Variants in FHIT observed in about 807,000 individuals in gnomAD.
The protein encoded by FHIT is bis(5'-adenosyl)-triphosphatase.
FHIT carries 19 observed loss-of-function variants against 17.9 expected under a neutral mutation model. The observed-to-expected ratio is 1.06, with a 90% CI of 0.74 to 1.56. The LOEUF is 1.56. Among genes scored for constraint, FHIT ranks in the 40% most tolerant of loss-of-function variants. FHIT has a pLI of 0.00. For synonymous variants in FHIT, 81 were observed against 69.7 expected (o/e 1.16, Z -0.81); for missense variants, 248 against 189.2 (o/e 1.31, Z -1.82).
intron 5 of FHIT, among the ~76,000 whole-genome samples, chr3:60,268,920 G>A (rs889320409): frequency 6.6e-6 from 1 of 152,098 alleles, no homozygotes; most frequent in Non-Finnish European, 1.5e-5. Flanking sequence ...AGGTCACAGT[G>A]ATGAAAAGTG....
chr3:60,088,072 G>GAGCT (rs1324653205), intron 5 of FHIT, among the ~76,000 whole-genome samples: 1 of 152,202 alleles, frequency 6.6e-6, no homozygotes, highest in Non-Finnish European at 1.5e-5. Context: ...AGATGAAAGG[G>GAGCT]AGCTTATGAG....
At chr3:60,534,263 TA>T (rs2035894487) in intron 5 of FHIT, among the ~76,000 whole-genome samples, 1 of 99,232 alleles carries the variant, frequency 1.0e-5, no homozygotes, top group African/African-American at 4.2e-5. Context: ...CCGTCTCTAC[TA>T]AAAATACAAA....
intron 2 of FHIT, among the ~76,000 whole-genome samples, chr3:61,091,554 ACG>A (rs2035482336): frequency 6.6e-6 from 1 of 152,180 alleles, no homozygotes; most frequent in Admixed American, 6.5e-5. Flanking sequence ...GGGTCAAGCA[ACG>A]CAGATCATCC....
chr3:60,223,122 A>T (rs1704038099), intron 5 of FHIT, among the ~76,000 whole-genome samples: 1 of 152,136 alleles, frequency 6.6e-6, no homozygotes, highest in Admixed American at 6.5e-5. Context: ...ATGAAGGAAG[A>T]CTTTCTTCCA....
intron 5 of FHIT, among the ~76,000 whole-genome samples, chr3:60,325,672 A>T (rs1036141233): frequency 5.9e-5 from 9 of 152,232 alleles, no homozygotes; most frequent in Non-Finnish European, 1.3e-4. Context: ...ACAGTACAAG[A>T]CATTTCAAAC....
At chr3:61,042,793 T>C (rs988584630) in intron 2 of FHIT, among the ~76,000 whole-genome samples, 1 of 150,834 alleles carries the variant, frequency 6.6e-6, no homozygotes, top group African/African-American at 2.4e-5. Context: ...TGAGCCAAGA[T>C]GGTGCCACTG....
chr3:60,336,306 C>G (rs1415996002), intron 5 of FHIT, among the ~76,000 whole-genome samples: 1 of 152,202 alleles, frequency 6.6e-6, no homozygotes, highest in African/African-American at 2.4e-5. Flanking sequence ...CACAAAAACC[C>G]TGACCAAAAG....
At chr3:60,002,133 T>C (rs1216371960) in intron 7 of FHIT, among the ~76,000 whole-genome samples, 1 of 152,136 alleles carries the variant, frequency 6.6e-6, no homozygotes, top group Non-Finnish European at 1.5e-5. Context: ...TCTTAAAGAA[T>C]TCCATCTTCA....
chr3:60,492,722 G>A (rs2107503883), intron 5 of FHIT, among the ~76,000 whole-genome samples: 1 of 151,904 alleles, frequency 6.6e-6, no homozygotes. Context: ...GGTCAGGCTG[G>A]TCTTGAACTC....
At chr3:60,377,290 T>G (rs1046840544) in intron 5 of FHIT, among the ~76,000 whole-genome samples, 1 of 150,388 alleles carries the variant, frequency 6.6e-6, no homozygotes, top group Middle Eastern at 3.2e-3. Context: ...GCCTCCTGAA[T>G]AGCTGGGACT....
In FHIT at chr3:60,546,828, G is replaced by A. The variant is rs531812030; in HGVS notation, c.-17-9849C>T. Among the ~76,000 whole-genome samples the A allele has an allele frequency of 2.6e-5, 4 of 152,142 alleles. No individual in the cohort carries two copies. In the East Asian group the frequency reaches 5.8e-4, roughly 22 times the overall value. Reference sequence around the variant, plus strand: ...TAATGAAGTATACAAAGCATGTCTCGTTGTCTGCCACATGATGTAGGTACC... The same window carrying A: ...TAATGAAGTATACAAAGCATGTCTCATTGTCTGCCACATGATGTAGGTACC... On this transcript the variant is annotated intron_variant, in intron 4 of 9. Transcript: ENST00000492590.
chr3:60,404,111 C>G (rs371306487), intron 5 of FHIT, among the ~76,000 whole-genome samples: 10 of 152,268 alleles, frequency 6.6e-5, no homozygotes, highest in African/African-American at 2.2e-4. Context: ...TTCACTTTAG[C>G]TTCTGATTGG....
At chr3:60,578,671 C>T (rs782418386) in intron 4 of FHIT, among the ~76,000 whole-genome samples, 24 of 152,140 alleles carry the variant, frequency 1.6e-4, no homozygotes, top group Non-Finnish European at 2.8e-4. Flanking sequence ...CAAGTTCAAA[C>T]GTTCACATAA....
At chr3:61,027,569 G>A (rs890661881) in intron 3 of FHIT, among the ~76,000 whole-genome samples, 4 of 152,150 alleles carry the variant, frequency 2.6e-5, no homozygotes, top group Non-Finnish European at 5.9e-5. Flanking sequence ...ATATCATTTC[G>A]TTGACTTGAG....
chr3:61,053,595 T>A (rs1575923406), intron 2 of FHIT, among the ~76,000 whole-genome samples: 1 of 151,900 alleles, frequency 6.6e-6, no homozygotes, highest in African/African-American at 2.4e-5. Context: ...GAGGCAGAGG[T>A]TGCAGTGAGC....
intron 5 of FHIT, among the ~76,000 whole-genome samples, chr3:60,212,621 TAAC>T (rs1480064278): frequency 6.6e-6 from 1 of 152,002 alleles, no homozygotes; most frequent in Non-Finnish European, 1.5e-5. Flanking sequence ...AGCACTAAAA[TAAC>T]AATCTAATGA....
chr3:60,166,876 A>G (rs962759769), intron 5 of FHIT, among the ~76,000 whole-genome samples: 1 of 152,202 alleles, frequency 6.6e-6, no homozygotes, highest in Non-Finnish European at 1.5e-5. Flanking sequence ...AAGAGCAAGC[A>G]GCAAGGGCCT....
rs928294197 is a variant in FHIT at position 60,942,266 on chromosome 3, A to G, written c.-111+99781T>C. Among the ~76,000 whole-genome samples, 7 of 152,344 alleles carry G rather than the reference A, an allele frequency of 4.6e-5. No individual in the cohort carries two copies. The East Asian group carries it at 1.3e-3, about 29-fold the overall frequency. On this transcript the variant is annotated intron_variant, in intron 3 of 9. Coordinates refer to ENST00000492590, the MANE Select transcript of FHIT (RefSeq NM_002012.4). ...TTCATAAAAATATGTTAGCACCAGCATAATTAAAAGTATACAGTAGGTATC... is the reference window on the plus strand; with the variant it reads ...TTCATAAAAATATGTTAGCACCAGCGTAATTAAAAGTATACAGTAGGTATC...
At chr3:60,029,776 A>T (rs1700908501) in intron 5 of FHIT, among the ~76,000 whole-genome samples, 1 of 152,062 alleles carries the variant, frequency 6.6e-6, no homozygotes, top group South Asian at 2.1e-4. Context: ...AGAATTACCT[A>T]ATTGTTTTGA....
Sources: allele counts gnomAD v4.1 joint callset (sites outside exome capture counted in the v4.1 genomes callset), GRCh38; gene constraint gnomAD v4.1.1; transcripts MANE v1.5; gene names NCBI Gene and HGNC (gene_info 2026-07-23, HGNC 2026-07-21).